Variants in CADM2 observed in about 807,000 individuals in gnomAD.
CADM2 encodes cell adhesion molecule 2.
Under a neutral mutation model 49.8 loss-of-function variants are expected in CADM2, and 12 were observed. The observed-to-expected ratio is 0.24, with a 90% CI of 0.15 to 0.39. The LOEUF is 0.39. Ranked by LOEUF, CADM2 falls within the 10% of genes least tolerant of loss-of-function variation. CADM2 has a pLI of 1.00. For synonymous variants in CADM2, 214 were observed against 175.4 expected, an observed-to-expected ratio of 1.22 and a Z score of -1.74; for missense variants, 378 against 492.3, an observed-to-expected ratio of 0.77 and a Z score of 2.20.
At chr3:85,187,291 G>C (rs2107715659) in intron 1 of CADM2, among the ~76,000 whole-genome samples, 1 of 152,030 alleles carries the variant, frequency 6.6e-6, no homozygotes, top group Admixed American at 6.6e-5. Context: ...TATTAAAATT[G>C]ATATTATTTT....
intron 1 of CADM2, among the ~76,000 whole-genome samples, chr3:85,595,208 T>C (rs911081746): frequency 9.9e-5 from 15 of 151,994 alleles, no homozygotes; most frequent in Admixed American, 6.6e-4. Flanking sequence ...TAGTTACAGA[T>C]GAAATCAGAG....
intron 1 of CADM2, among the ~76,000 whole-genome samples, chr3:85,327,583 C>CAT (rs1559781452): frequency 1.4e-5 from 2 of 144,808 alleles, no homozygotes; most frequent in African/African-American, 5.5e-5. Context: ...CACACACACA[C>CAT]ACACACCACA....
At chr3:86,010,087 A>G (rs2106900604) in intron 8 of CADM2, among the ~76,000 whole-genome samples, 1 of 152,116 alleles carries the variant, frequency 6.6e-6, no homozygotes, top group South Asian at 2.1e-4. Context: ...AGTAAATAGC[A>G]ATGACGAAAT....
At chr3:86,038,426 T>C (rs1036366490) in intron 8 of CADM2, among the ~76,000 whole-genome samples, 1 of 152,180 alleles carries the variant, frequency 6.6e-6, no homozygotes, top group Admixed American at 6.5e-5. Context: ...AGACATCTGA[T>C]TCAGAGGCTA....
In CADM2 at chr3:86,065,687, G is replaced by A; in HGVS notation, c.1053G>A (p.Leu351=). ...TGGCTGTAGTTGTATTTGTCACGCT[G>A]TGTTCTATCTTTCTGCTTGGTCGAT... is the stretch of plus-strand genomic sequence containing the variant. ...GIVAVVVFVT[L]CSIFLLGRYL... The change falls in exon 9 of 10, where the codon CTG becomes CTA. Residue 351 remains leucine (L), a synonymous_variant. Transcript: ENST00000383699. 1 of 1,614,016 alleles carries A rather than the reference G, an allele frequency of 6.2e-7. No individual in the cohort carries two copies. The highest frequency in any genetic ancestry group is 1.1e-5 in the South Asian group (1 of 91,082).
intron 8 of CADM2, among the ~76,000 whole-genome samples, chr3:86,064,760 T>C (rs1739113226): frequency 6.6e-6 from 1 of 152,230 alleles, no homozygotes; most frequent in African/African-American, 2.4e-5. Context: ...CATTTCTTCT[T>C]GAAAACTGGC....
chr3:85,819,740 T>G (rs552445117), intron 3 of CADM2, among the ~76,000 whole-genome samples: 6 of 152,294 alleles, frequency 3.9e-5, no homozygotes, highest in African/African-American at 1.4e-4. Flanking sequence ...TTAAGATTCA[T>G]TTATTCATTC....
chr3:85,205,620 T>G (rs2107755445), intron 1 of CADM2, among the ~76,000 whole-genome samples: 1 of 152,144 alleles, frequency 6.6e-6, no homozygotes, highest in African/African-American at 2.4e-5. Context: ...AAAAAGTAGC[T>G]TATGCATGTA....
At chr3:85,609,211 C>T (rs187732900) in intron 1 of CADM2, among the ~76,000 whole-genome samples, 1 of 152,068 alleles carries the variant, frequency 6.6e-6, no homozygotes, top group African/African-American at 2.4e-5. Context: ...AAGAATGATT[C>T]CCTAAGATTT....
chr3:85,632,282 C>T (rs1231120613), intron 1 of CADM2, among the ~76,000 whole-genome samples: 1 of 152,124 alleles, frequency 6.6e-6, no homozygotes. Context: ...TGCCTTCTGC[C>T]ATGATTGTGA....
intron 7 of CADM2, among the ~76,000 whole-genome samples, chr3:85,955,309 G>C (rs1217965898): frequency 6.6e-6 from 1 of 151,334 alleles, no homozygotes; most frequent in African/African-American, 2.4e-5. Flanking sequence ...CGAATCCCAA[G>C]GGGGATATCA....
intron 8 of CADM2, among the ~76,000 whole-genome samples, chr3:85,972,356 A>G (rs9811856): frequency 0.036 from 5,536 of 151,840 alleles, 335 homozygotes; most frequent in African/African-American, 0.13. Flanking sequence ...ACATCTTACC[A>G]TAATAATTCT....
At chr3:85,248,573 G>A (rs1220592154) in intron 1 of CADM2, among the ~76,000 whole-genome samples, 1 of 152,140 alleles carries the variant, frequency 6.6e-6, no homozygotes, top group Non-Finnish European at 1.5e-5. Context: ...AACACGCCCA[G>A]CCTACATACA....
At chr3:85,297,511 A>G (rs1356936251) in intron 1 of CADM2, among the ~76,000 whole-genome samples, 2 of 152,030 alleles carry the variant, frequency 1.3e-5, no homozygotes, top group Non-Finnish European at 2.9e-5. Flanking sequence ...ATAAGATAGG[A>G]AGGATTCAGG....
intron 3 of CADM2, among the ~76,000 whole-genome samples, chr3:85,818,868 G>T (rs2073382535): frequency 6.6e-6 from 1 of 151,348 alleles, no homozygotes; most frequent in Admixed American, 6.6e-5. Context: ...ATTAATCAAG[G>T]TTCTCCAGAG....
chr3:85,048,841 A>G (rs1388567018), intron 1 of CADM2, among the ~76,000 whole-genome samples: 1 of 152,166 alleles, frequency 6.6e-6, no homozygotes. Flanking sequence ...TTTGGTATAG[A>G]CTGGAAACAG....
At chr3:85,016,850 G>A (rs1271288897) in intron 1 of CADM2, among the ~76,000 whole-genome samples, 2 of 151,936 alleles carry the variant, frequency 1.3e-5, no homozygotes, top group African/African-American at 4.8e-5. Flanking sequence ...CCAAACTACA[G>A]CCAAAGACCA....
chr3:85,946,518 A>C (rs994753466), intron 7 of CADM2, among the ~76,000 whole-genome samples: 3 of 152,174 alleles, frequency 2.0e-5, no homozygotes, highest in African/African-American at 7.2e-5. Context: ...ACTTGACTTC[A>C]AACTATACTA....
Position 85,519,490 on chromosome 3 carries a change from G to A in CADM2, c.62-207032G>A, listed in dbSNP as rs1028573940. On this transcript the variant is annotated intron_variant, in intron 1 of 9. Transcript: ENST00000383699. ...GGTTCTTCCACTAATTAGATCTGTGGTTTAGTTTCTTTTGTTTATATTGGA... is the reference window on the plus strand; with the variant it reads ...GGTTCTTCCACTAATTAGATCTGTGATTTAGTTTCTTTTGTTTATATTGGA... Among the ~76,000 whole-genome samples, 7 of 151,742 alleles carry A rather than the reference G, an allele frequency of 4.6e-5. No homozygotes were observed. The East Asian group carries it at 1.2e-3, about 25-fold the overall frequency.
Sources: gnomAD v4.1 joint callset for allele counts (sites outside exome capture counted in the v4.1 genomes callset) on GRCh38, gnomAD v4.1.1 for gene constraint, MANE v1.5 for transcripts, NCBI Gene and HGNC (gene_info 2026-07-23, HGNC 2026-07-21) for gene names.